Variants in CIRSR observed in about 807,000 individuals in gnomAD.
CIRSR encodes CBF1 (RBPJ) interacting corepressor 1.
At chr2:174,382,649 A>G in the CIRSR span, among the ~76,000 whole-genome samples, 1 of 150,428 alleles carries the variant, frequency 6.6e-6, no homozygotes, top group African/African-American at 2.5e-5. Context: ...AAAAACAACA[A>G]TAGCAAAAAA....
chr2:174,395,138 A>G, the CIRSR span, among the ~76,000 whole-genome samples: 1 of 152,196 alleles, frequency 6.6e-6, no homozygotes, highest in African/African-American at 2.4e-5. Context: ...AAAAGACACT[A>G]GATTATTAGG....
chr2:174,348,872 G>T, the CIRSR span: 2 of 1,614,196 alleles, frequency 1.2e-6, no homozygotes, highest in Non-Finnish European at 1.7e-6. Flanking sequence ...CCCGGTTATG[G>T]TGACTGCTAG....
chr2:174,360,450 G>A, the CIRSR span, among the ~76,000 whole-genome samples: 1 of 152,172 alleles, frequency 6.6e-6, no homozygotes, highest in South Asian at 2.1e-4. Flanking sequence ...GAACATGGGG[G>A]TTTGTGTTAA....
At chr2:174,357,058 T>C in the CIRSR span, among the ~76,000 whole-genome samples, 2 of 152,252 alleles carry the variant, frequency 1.3e-5, no homozygotes, top group African/African-American at 4.8e-5. Context: ...TTTTTACAGT[T>C]GGTTTGCTCA....
the CIRSR span, among the ~76,000 whole-genome samples, chr2:174,370,429 C>A: frequency 6.6e-6 from 1 of 152,258 alleles, no homozygotes; most frequent in East Asian, 1.9e-4. Flanking sequence ...TGTGCAAAAT[C>A]TTTGTTTGCT....
the CIRSR span, among the ~76,000 whole-genome samples, chr2:174,356,607 A>G: frequency 1.3e-5 from 2 of 149,930 alleles, no homozygotes; most frequent in Non-Finnish European, 3.0e-5. Context: ...GGGAGGGAAG[A>G]AGGAAGGAAG....
chr2:174,368,104 T>C, the CIRSR span, among the ~76,000 whole-genome samples: 1 of 152,102 alleles, frequency 6.6e-6, no homozygotes, highest in African/African-American at 2.4e-5. Flanking sequence ...TTTTTAGAAA[T>C]AGACAAATCC....
chr2:174,384,698 T>A, the CIRSR span, among the ~76,000 whole-genome samples: 1 of 151,862 alleles, frequency 6.6e-6, no homozygotes, highest in Non-Finnish European at 1.5e-5. Context: ...ATTACAGGCA[T>A]AAGCCATTGT....
the CIRSR span, among the ~76,000 whole-genome samples, chr2:174,394,314 C>G: frequency 6.6e-6 from 1 of 152,102 alleles, no homozygotes; most frequent in African/African-American, 2.4e-5. Context: ...AAAATAGTAA[C>G]AGCTGACCCC....
chr2:174,354,772 T>TA, the CIRSR span, among the ~76,000 whole-genome samples: 2 of 26,652 alleles, frequency 7.5e-5, no homozygotes, highest in African/African-American at 1.1e-4. Context: ...ATATATATAT[T>TA]TTTTTTTTTG....
chr2:174,388,810 T>C, the CIRSR span, among the ~76,000 whole-genome samples: 1 of 152,092 alleles, frequency 6.6e-6, no homozygotes, highest in East Asian at 1.9e-4. Flanking sequence ...ATAATCCCCA[T>C]GTGTCATGGG....
chr2:174,387,536 G>A, the CIRSR span: 2 of 744,194 alleles, frequency 2.7e-6, no homozygotes, highest in Admixed American at 3.9e-5. Context: ...CTACAGGTAT[G>A]AGAGTAAAAG....
the CIRSR span, among the ~76,000 whole-genome samples, chr2:174,374,906 C>T: frequency 6.6e-6 from 1 of 152,170 alleles, no homozygotes; most frequent in East Asian, 1.9e-4. Context: ...TAAAGTAATT[C>T]CCCATTTAGT....
chr2:174,354,692 A>G, the CIRSR span, among the ~76,000 whole-genome samples: 1 of 99,938 alleles, frequency 1.0e-5, no homozygotes, highest in African/African-American at 4.0e-5. Context: ...TATATTATAT[A>G]ATACATATAT....
the CIRSR span, chr2:174,387,510 T>C: frequency 7.1e-6 from 4 of 560,916 alleles, no homozygotes; most frequent in Non-Finnish European, 1.2e-5. Flanking sequence ...TGGGTAAAGC[T>C]GGAAAAAGTG....
At chr2:174,354,447 T>C in the CIRSR span, among the ~76,000 whole-genome samples, 1 of 19,444 alleles carries the variant, frequency 5.1e-5, no homozygotes, top group Non-Finnish European at 1.9e-4. Context: ...TATAATATAT[T>C]ATATAATATA....
the CIRSR span, among the ~76,000 whole-genome samples, chr2:174,370,637 G>C: frequency 1.3e-5 from 2 of 152,158 alleles, no homozygotes; most frequent in South Asian, 2.1e-4. Flanking sequence ...TCTACGGGCT[G>C]GGCACCATGG....
chr2:174,380,901 TC>T, the CIRSR span: 2 of 577,014 alleles, frequency 3.5e-6, no homozygotes, highest in Admixed American at 8.7e-5. Context: ...CACTATGATA[TC>T]ATGTTATTTA....
At chr2:174,383,849 C>CAAAA in the CIRSR span, among the ~76,000 whole-genome samples, 42 of 121,444 alleles carry the variant, frequency 3.5e-4, no homozygotes, top group Middle Eastern at 5.0e-3. Flanking sequence ...AGCTATCTTC[C>CAAAA]AAAAAAAAAA....
Sources: allele counts gnomAD v4.1 joint callset (sites outside exome capture counted in the v4.1 genomes callset), GRCh38; gene constraint gnomAD v4.1.1; transcripts MANE v1.5; gene names NCBI Gene and HGNC (gene_info 2026-07-23, HGNC 2026-07-21).